The following GNE variants were observed in gnomAD, a reference collection of about 807,000 sequenced individuals.
The protein encoded by GNE is bifunctional UDP-N-acetylglucosamine 2-epimerase/N-acetylmannosamine kinase.
Under a neutral mutation model 61.8 loss-of-function variants are expected in GNE, and 41 were observed. The observed-to-expected ratio is 0.66, with a 90% confidence interval of 0.52 to 0.86. The LOEUF is 0.86. Ranked by LOEUF, GNE falls within the 40% of genes least tolerant of loss-of-function variation. The pLI is 0.00. For synonymous variants in GNE, 264 were observed against 326.4 expected, an observed-to-expected ratio of 0.81 and a Z score of 2.06; for missense variants, 608 against 909.1, an observed-to-expected ratio of 0.67 and a Z score of 4.26.
chr9:36,222,890 G>A lies in GNE; in HGVS notation c.1520C>T (p.Thr507Ile), dbSNP rs781142720. The A allele has an allele frequency of 5.0e-6, 8 of 1,614,018 alleles. No homozygotes were observed. Among genetic ancestry groups the A allele is most frequent in the African/African-American group, 1.3e-5 (1 of 74,922 alleles). ...GTCTACCCACACAGGGAGATGCAAA[G>A]TGTCAGAAAGGGGGGTCCTAAGGTC... ...SVDLRTPLSD[T>I]LHLPVWVDND... Residue 507 changes from threonine (T) to isoleucine (I), a missense_variant, in exon 9 of 12, where the codon ACT becomes ATT. By Grantham distance (89) the Thr-to-Ile change is moderately conservative. Transcript: ENST00000642385.
upstream of GNE, among the ~76,000 whole-genome samples, chr9:36,260,868 CAAAAAAAAAA>C (rs745821430): frequency 4.2e-5 from 4 of 96,038 alleles, no homozygotes; most frequent in East Asian, 4.0e-4. Flanking sequence ...GACTCTATCT[CAAAAAAAAAA>C]AAAAAAAAAA....
intron 1 of GNE, among the ~76,000 whole-genome samples, chr9:36,257,674 G>T (rs1329736603): frequency 6.6e-6 from 1 of 150,922 alleles, no homozygotes; most frequent in African/African-American, 2.4e-5. Context: ...GTGGTGGTGG[G>T]CGCCTGTAGT....
At chr9:36,238,368 A>G (rs1829494382) in intron 3 of GNE, among the ~76,000 whole-genome samples, 1 of 152,224 alleles carries the variant, frequency 6.6e-6, no homozygotes, top group African/African-American at 2.4e-5. Flanking sequence ...TCACACCAGC[A>G]GTGTAGAAGT....
chr9:36,244,622 C>G (rs1439190527), intron 3 of GNE, among the ~76,000 whole-genome samples: 1 of 151,984 alleles, frequency 6.6e-6, no homozygotes, highest in Non-Finnish European at 1.5e-5. Flanking sequence ...AGTATTCCAA[C>G]AATTCTATAA....
At position 36,236,967 on chromosome 9, in the gene GNE, T is replaced by C. The variant is rs1307350458; in HGVS notation, c.634A>G (p.Lys212Glu). ...RMWLGDDVKS[K>E]DYIVALQHPV... ...TGCTGTAGTGCAACAATGTAATCTT[T>C]AGATTTTACATCATCACCTGTTTAA... The change falls in exon 4 of 12, where the codon AAA becomes GAA. Residue 212 changes from lysine to glutamate, a missense_variant. Lys to Glu is a moderately conservative substitution (Grantham distance 56). Coordinates refer to ENST00000642385, the MANE Select transcript of GNE (RefSeq NM_005476.7). 1.2e-6 allele frequency: 2 copies of C among 1,610,806 alleles called. No individual in the cohort carries two copies. Among genetic ancestry groups the C allele is most frequent in the African/African-American group, 1.3e-5 (1 of 74,880 alleles).
intron 5 of GNE, among the ~76,000 whole-genome samples, chr9:36,231,360 A>G (rs1829148102): frequency 6.6e-6 from 1 of 152,196 alleles, no homozygotes; most frequent in Non-Finnish European, 1.5e-5. Flanking sequence ...TGAGAGGATA[A>G]CTTGAGCCCA....
At chr9:36,224,031 C>T (rs1304355114) in intron 7 of GNE, among the ~76,000 whole-genome samples, 3 of 151,808 alleles carry the variant, frequency 2.0e-5, no homozygotes, top group African/African-American at 4.8e-5. Context: ...GGATTACAGG[C>T]GTGAGCCACT....
chr9:36,255,332 C>G (rs1830287037), intron 1 of GNE, among the ~76,000 whole-genome samples: 1 of 152,052 alleles, frequency 6.6e-6, no homozygotes, highest in South Asian at 2.1e-4. Context: ...CTCAGCCTCC[C>G]AAGTAGCTGG....
chr9:36,240,224 T>A (rs1829577254), intron 3 of GNE, among the ~76,000 whole-genome samples: 1 of 152,228 alleles, frequency 6.6e-6, no homozygotes, highest in South Asian at 2.1e-4. Context: ...AGAGTGGGCA[T>A]CCTTGTCTTG....
At chr9:36,251,241 C>A (rs1317162864) in intron 1 of GNE, among the ~76,000 whole-genome samples, 1 of 152,122 alleles carries the variant, frequency 6.6e-6, no homozygotes, top group African/African-American at 2.4e-5. Flanking sequence ...GGTCCTCCTC[C>A]CCCACGTTTC....
chr9:36,256,538 C>A (rs958515758), intron 1 of GNE, among the ~76,000 whole-genome samples: 1 of 152,168 alleles, frequency 6.6e-6, no homozygotes, highest in Admixed American at 6.5e-5. Context: ...AGCCACCACG[C>A]CCGGCAGAAA....
intron 3 of GNE, among the ~76,000 whole-genome samples, chr9:36,239,630 G>A (rs1227330797): frequency 3.9e-5 from 6 of 151,936 alleles, no homozygotes; most frequent in Admixed American, 1.3e-4. Flanking sequence ...ACATCACCAT[G>A]CCCAGCTAAT....
upstream of GNE, among the ~76,000 whole-genome samples, chr9:36,261,765 C>CA (rs1451765147): frequency 2.0e-5 from 3 of 150,754 alleles, no homozygotes; most frequent in Admixed American, 6.6e-5. Flanking sequence ...ACTAAAAATA[C>CA]AAAAAAAATT....
chr9:36,259,243 C>A (rs1187188471), upstream of GNE, among the ~76,000 whole-genome samples: 4 of 152,152 alleles, frequency 2.6e-5, no homozygotes, highest in Admixed American at 6.5e-5. Context: ...ATGACCCTTT[C>A]AAATTTCTGA....
intron 8 of GNE, 39 bp from the exon 9 acceptor site, chr9:36,223,037 A>G: frequency 6.4e-7 from 1 of 1,554,914 alleles, no homozygotes; most frequent in Non-Finnish European, 8.9e-7. Context: ...AATGCTGATG[A>G]GCAATCTCAG....
chr9:36,251,986 C>CTTTTTTTTTTTTTTTTTTTT (rs34737463), intron 1 of GNE, among the ~76,000 whole-genome samples: 1 of 134,158 alleles, frequency 7.5e-6, no homozygotes, highest in African/African-American at 2.8e-5. Flanking sequence ...ACTATCTGAT[C>CTTTTTTTTTTTTTTTTTTTT]TTTTTTTTTT....
chr9:36,270,367 T>C (rs1830976205), intron 1 of GNE, among the ~76,000 whole-genome samples: 1 of 152,154 alleles, frequency 6.6e-6, no homozygotes, highest in South Asian at 2.1e-4. Flanking sequence ...ATATTTAATG[T>C]AGAGTTTTTT....
intron 6 of GNE, among the ~76,000 whole-genome samples, chr9:36,228,811 AAAG>A (rs1829012849): frequency 1.3e-5 from 2 of 151,700 alleles, no homozygotes; most frequent in African/African-American, 2.4e-5. Context: ...AAAAAAAAAA[AAAG>A]AAATAAAATA....
At chr9:36,257,802 CAAA>C (rs60845805) in intron 1 of GNE, among the ~76,000 whole-genome samples, 218 of 25,188 alleles carry the variant, frequency 8.7e-3, no homozygotes, top group African/African-American at 0.011. Context: ...GACTCAGTCT[CAAA>C]AAAAAAAAAA....
Sources: gnomAD v4.1 joint callset for allele counts (sites outside exome capture counted in the v4.1 genomes callset) on GRCh38, gnomAD v4.1.1 for gene constraint, MANE v1.5 for transcripts, NCBI Gene and HGNC (gene_info 2026-07-23, HGNC 2026-07-21) for gene names.